The following WIPI2 variants were observed in gnomAD, a reference collection of about 807,000 sequenced individuals.
WIPI2 encodes the protein WD repeat domain, phosphoinositide interacting 2.
A neutral mutation model predicts 52.3 loss-of-function variants in WIPI2; 28 were observed. The observed-to-expected ratio is 0.54, with a 90% CI of 0.40 to 0.73. The LOEUF is 0.73. WIPI2 is among the 30% of genes least tolerant of loss of function. The pLI is 0.00. For synonymous variants in WIPI2, 268 were observed against 245.0 expected (o/e 1.09, Z -0.88); for missense variants, 506 against 602.9 (o/e 0.84, Z 1.68).
At chr7:5,204,230 G>T (rs1234575765) in intron 3 of WIPI2, among the ~76,000 whole-genome samples, 4 of 152,154 alleles carry the variant, frequency 2.6e-5, no homozygotes, top group African/African-American at 9.6e-5. Context: ...ACTTTGGGAG[G>T]CCGAGGCGGG....
At chr7:5,216,299 G>T (rs573112832) in intron 4 of WIPI2, 20 of 297,518 alleles carry the variant, frequency 6.7e-5, no homozygotes, top group African/African-American at 3.6e-4. Flanking sequence ...AGGCCTGGTG[G>T]CAGTCACCTG....
chr7:5,214,727 G>A (rs749646641), intron 4 of WIPI2, 23 bp downstream of exon 4: 1 of 1,612,118 alleles, frequency 6.2e-7, no homozygotes, highest in Non-Finnish European at 8.5e-7. Context: ...CCAGCTGGGT[G>A]TGGGCTTGTC....
At chr7:5,228,407 C>G (rs919871806) in intron 11 of WIPI2, among the ~76,000 whole-genome samples, 196 bp downstream of exon 11, 1 of 152,258 alleles carries the variant, frequency 6.6e-6, no homozygotes, top group Non-Finnish European at 1.5e-5. Flanking sequence ...CAGGGAGCCC[C>G]GGGCTGCGGC....
chr7:5,213,788 CCGTTCTCCTGCCT>C (rs1397899987), intron 3 of WIPI2, among the ~76,000 whole-genome samples: 3 of 151,746 alleles, frequency 2.0e-5, no homozygotes, highest in Admixed American at 1.3e-4. Context: ...CGGGTTCACA[CCGTTCTCCTGCCT>C]CAGGCTCCTG....
chr7:5,207,168 G>T (rs1782335982), intron 3 of WIPI2, among the ~76,000 whole-genome samples: 2 of 152,104 alleles, frequency 1.3e-5, no homozygotes, highest in South Asian at 4.2e-4. Flanking sequence ...TTTTTTTCTT[G>T]TAAGATAAAA....
At chr7:5,196,336 A>G (rs1781743147) in intron 2 of WIPI2, among the ~76,000 whole-genome samples, 1 of 152,174 alleles carries the variant, frequency 6.6e-6, no homozygotes, top group South Asian at 2.1e-4. Flanking sequence ...GCGACAGAGC[A>G]AAACTCCATC....
At chr7:5,192,569 G>C (rs1781534909) in intron 1 of WIPI2, among the ~76,000 whole-genome samples, 2 of 152,162 alleles carry the variant, frequency 1.3e-5, no homozygotes, top group South Asian at 4.1e-4. Context: ...GCTCCCCGAA[G>C]TTATTACAGT....
intron 8 of WIPI2, 134 bp downstream of exon 8, chr7:5,222,806 G>C: frequency 3.5e-6 from 3 of 854,304 alleles, no homozygotes; most frequent in Non-Finnish European, 5.7e-6. Context: ...GGGTCACCGG[G>C]TAAGATCTGG....
intron 8 of WIPI2, among the ~76,000 whole-genome samples, chr7:5,223,267 C>G (rs1783241816): frequency 6.6e-6 from 1 of 152,104 alleles, no homozygotes; most frequent in Non-Finnish European, 1.5e-5. Flanking sequence ...GATTGGAGCC[C>G]TAGGGAGCAC....
intron 7 of WIPI2, among the ~76,000 whole-genome samples, chr7:5,220,314 C>T (rs955556658): frequency 6.7e-6 from 1 of 150,274 alleles, no homozygotes; most frequent in African/African-American, 2.5e-5. Context: ...ATGATCTCAG[C>T]TCACCACAAC....
At chr7:5,197,122 A>AAC (rs1781786796) in intron 2 of WIPI2, among the ~76,000 whole-genome samples, 2 of 145,616 alleles carry the variant, frequency 1.4e-5, no homozygotes, top group African/African-American at 5.3e-5. Flanking sequence ...AAAAAACAAA[A>AAC]AAAAAAAAAA....
chr7:5,201,012 C>A (rs1338191026), intron 3 of WIPI2, among the ~76,000 whole-genome samples: 1 of 152,218 alleles, frequency 6.6e-6, no homozygotes, highest in Non-Finnish European at 1.5e-5. Context: ...CTTTCTTCTG[C>A]CACGGAGGCT....
chr7:5,214,492 C>T (rs1439339375), intron 3 of WIPI2, 43 bp from the exon 4 acceptor site: 1 of 1,614,148 alleles, frequency 6.2e-7, no homozygotes, highest in East Asian at 2.2e-5. Flanking sequence ...TGGCCATAGC[C>T]ATGTGGAGAT....
chr7:5,223,360 G>GTACCTCC (rs1334900546), intron 8 of WIPI2, among the ~76,000 whole-genome samples: 5 of 152,212 alleles, frequency 3.3e-5, no homozygotes, highest in Non-Finnish European at 4.4e-5. Flanking sequence ...CCTCCCTGAA[G>GTACCTCC]GTGGCTGTTG....
chr7:5,194,796 A>G (rs764950853), intron 2 of WIPI2, among the ~76,000 whole-genome samples: 3 of 152,192 alleles, frequency 2.0e-5, no homozygotes, highest in South Asian at 2.1e-4. Flanking sequence ...GCTTAAACTC[A>G]TACGATAGAA....
chr7:5,200,983 C>T (rs543141894), intron 3 of WIPI2, among the ~76,000 whole-genome samples: 1 of 152,198 alleles, frequency 6.6e-6, no homozygotes, highest in East Asian at 1.9e-4. Context: ...CTGGTACTTA[C>T]TAAATCTTCC....
chr7:5,204,796 C>G (rs1230560966), intron 3 of WIPI2, among the ~76,000 whole-genome samples: 6 of 152,088 alleles, frequency 3.9e-5, no homozygotes, highest in Admixed American at 6.5e-5. Context: ...TGATCCTCCC[C>G]CTTCTTGCAT....
chr7:5,211,731 G>GT (rs1368930408), intron 3 of WIPI2, among the ~76,000 whole-genome samples: 1 of 152,156 alleles, frequency 6.6e-6, no homozygotes, highest in African/African-American at 2.4e-5. Context: ...GTTTTCCTAT[G>GT]TGTCCCAACC....
intron 3 of WIPI2, chr7:5,214,246 A>G (rs1171623910): frequency 1.3e-5 from 18 of 1,355,938 alleles, no homozygotes; most frequent in Non-Finnish European, 1.6e-5. Context: ...TTTGGTTCCT[A>G]AACTCACCAT....
Sources: gnomAD v4.1 joint callset for allele counts (sites outside exome capture counted in the v4.1 genomes callset) on GRCh38, gnomAD v4.1.1 for gene constraint, MANE v1.5 for transcripts, NCBI Gene and HGNC (gene_info 2026-07-23, HGNC 2026-07-21) for gene names.